The following USP31 variants were observed in gnomAD, a reference collection of about 807,000 sequenced individuals.
USP31 encodes the protein ubiquitin specific peptidase 31.
A neutral mutation model predicts 119.4 loss-of-function variants in USP31; 44 were observed. The observed-to-expected ratio is 0.37, with a 90% confidence interval of 0.29 to 0.47. The LOEUF (loss-of-function observed/expected upper bound fraction) is 0.47. Ranked by LOEUF, USP31 falls within the 20% of genes least tolerant of loss-of-function variation. USP31 has a pLI of 0.99. For missense variants in USP31, 1,643 were observed against 1,730.2 expected, an observed-to-expected ratio of 0.95 and a Z score of 0.89; for synonymous variants, 749 against 705.6, an observed-to-expected ratio of 1.06 and a Z score of -0.97.
At chr16:23,121,558 C>G (rs899511839) in intron 1 of USP31, among the ~76,000 whole-genome samples, 1 of 152,184 alleles carries the variant, frequency 6.6e-6, no homozygotes, top group African/African-American at 2.4e-5. Context: ...AATATACAGA[C>G]AGCAAACAAA....
rs574635294 is a variant in USP31 at position 23,084,631 on chromosome 16, A to G, written c.1830+229T>C. On this transcript the variant is annotated intron_variant, in intron 11 of 15. Transcript: ENST00000219689. ...TCATTAACCATTAAAAAGAACTATG[A>G]AGGTTCATTTCCAGAGTACTTCAAT... 3.5e-4 allele frequency among the ~76,000 whole-genome samples: 53 copies of G among 152,384 alleles called. 1 individual carries two copies. The highest frequency in any genetic ancestry group is 1.2e-3 in the African/African-American group (50 of 41,598).
intron 6 of USP31, among the ~76,000 whole-genome samples, chr16:23,097,954 T>C (rs1596707788): frequency 6.6e-6 from 1 of 152,306 alleles, no homozygotes; most frequent in African/African-American, 2.4e-5. Context: ...TTCAACATAG[T>C]GTTGGAAGTT....
chr16:23,090,590 C>A, intron 7 of USP31, 34 bp downstream of exon 7: 1 of 1,567,622 alleles, frequency 6.4e-7, no homozygotes, highest in South Asian at 1.2e-5. Flanking sequence ...CTGTTACAGT[C>A]TAGGTACTTA....
rs1036976459 is a variant in USP31, at chr16:23,087,529, G to A, written c.1527+195C>T. ...TTTCCAAGCTGATCATGTATTGAAC[G>A]TTATTAGATAAATATTATAAAGGAA... On this transcript the variant is annotated intron_variant, in intron 8 of 15. Coordinates refer to ENST00000219689, the MANE Select transcript of USP31 (RefSeq NM_020718.4). 2.0e-5 allele frequency among the ~76,000 whole-genome samples: 3 copies of A among 152,130 alleles called. No individual in the cohort carries two copies. The South Asian group carries it at 6.2e-4, about 32-fold the overall frequency.
In USP31 at chr16:23,087,741, G is replaced by A; in HGVS notation, c.1510C>T (p.Pro504Ser). 1.2e-6 allele frequency: 2 copies of A among 1,614,040 alleles called. No homozygotes were observed. Among genetic ancestry groups the A allele is most frequent in the Non-Finnish European group, 1.7e-6 (2 of 1,179,994 alleles). The change falls in exon 8 of 16, where the codon CCC becomes TCC. Residue 504 changes from proline (P) to serine (S), a missense_variant. Coordinates refer to ENST00000219689, the MANE Select transcript of USP31 (RefSeq NM_020718.4). ...TTACAAACCTGAATGCAAACCGTGG[G>A]CCTCAAGAAATACTTCATCTTCTCC... ...ILEKMKYFLR[P>S]TVCIQVCPFS... is the part of the protein sequence containing the mutation.
chr16:23,077,467 G>T (rs564651919), intron 13 of USP31, among the ~76,000 whole-genome samples: 3 of 152,290 alleles, frequency 2.0e-5, no homozygotes, highest in African/African-American at 7.2e-5. Context: ...AAGGTAGCAA[G>T]GCCAACGGAC....
intron 15 of USP31, among the ~76,000 whole-genome samples, chr16:23,070,827 A>G (rs955634872): frequency 4.6e-5 from 7 of 152,180 alleles, no homozygotes; most frequent in African/African-American, 1.7e-4. Flanking sequence ...TACAGTTGTG[A>G]TATTTACAAA....
At chr16:23,101,819 C>T (rs1156458415) in intron 6 of USP31, among the ~76,000 whole-genome samples, 1 of 151,956 alleles carries the variant, frequency 6.6e-6, no homozygotes, top group African/African-American at 2.4e-5. Flanking sequence ...AATCACAGCC[C>T]AAACCGCAGT....
At chr16:23,082,831 CTTTTTT>C (rs71151692) in intron 11 of USP31, among the ~76,000 whole-genome samples, 13 of 129,330 alleles carry the variant, frequency 1.0e-4, no homozygotes, top group Non-Finnish European at 1.6e-4. Flanking sequence ...CTTTCTCTCT[CTTTTTT>C]TTTTTTTTTT....
intron 2 of USP31, 139 bp from the exon 3 acceptor site, chr16:23,106,626 G>T: frequency 2.4e-6 from 2 of 824,080 alleles, no homozygotes; most frequent in Non-Finnish European, 3.7e-6. Flanking sequence ...ACGGGCACCT[G>T]CTAAAGGAGC....
chr16:23,120,409 TA>T (rs1902628095), intron 1 of USP31, among the ~76,000 whole-genome samples: 1 of 152,228 alleles, frequency 6.6e-6, no homozygotes, highest in African/African-American at 2.4e-5. Context: ...TCAGGCTGTT[TA>T]AAAACAAGAG....
At chr16:23,142,776 A>G (rs1219692619) in intron 1 of USP31, among the ~76,000 whole-genome samples, 1 of 152,242 alleles carries the variant, frequency 6.6e-6, no homozygotes, top group African/African-American at 2.4e-5. Context: ...TTGATGGACC[A>G]GAGAACTGAC....
Position 23,064,381 on chromosome 16 carries a change from G to T in USP31, c.*3665C>A, listed in dbSNP as rs1028622781. On this transcript the variant is annotated 3_prime_UTR_variant, in exon 16 of 16. Coordinates refer to ENST00000219689, the MANE Select transcript of USP31 (RefSeq NM_020718.4). ...ATTTTCCCTAAAGGCTGCCACTCTTGGTCCCTTTACATACTGTTGCTATTT... is the reference window on the plus strand; with the variant it reads ...ATTTTCCCTAAAGGCTGCCACTCTTTGTCCCTTTACATACTGTTGCTATTT... 2 of 152,026 alleles carry T rather than the reference G, an allele frequency of 1.3e-5. No homozygotes were observed. The highest frequency in any genetic ancestry group is 3.8e-4 in the East Asian group (2 of 5,202). 9.4% of individuals were successfully genotyped at this position (152,026 alleles called of 1,614,324 possible).
Position 23,149,163 on chromosome 16 carries a change from G to A in USP31, c.108C>T (p.Gly36=), listed in dbSNP as rs1376574296. 3 of 1,165,728 alleles carry A rather than the reference G, an allele frequency of 2.6e-6. No homozygotes were observed. Among genetic ancestry groups the A allele is most frequent in the African/African-American group, 3.3e-5 (2 of 60,634 alleles). 72.2% of individuals were successfully genotyped at this position (1,165,728 alleles called of 1,614,324 possible). A position where few individuals can be genotyped will look rare whatever the true frequency, so the allele number is the denominator to read the frequency against. ...CGGACGCCCCGGGGCCCCCCGCGCC[G>A]CCGCCGCCAGCGCGGCCGCTCCGAA... is the stretch of plus-strand genomic sequence containing the variant. ...RLFRSGRAGG[G]GAGGPGASGP... Residue 36 remains glycine, a synonymous_variant, in exon 1 of 16, where the codon GGC becomes GGT. Transcript: ENST00000219689.
At chr16:23,093,419 G>A (rs1311277661) in intron 6 of USP31, among the ~76,000 whole-genome samples, 1 of 152,136 alleles carries the variant, frequency 6.6e-6, no homozygotes, top group African/African-American at 2.4e-5. Context: ...GGCCAAACAA[G>A]CACATGGCAA....
At chr16:23,096,285 G>C (rs545318431) in intron 6 of USP31, among the ~76,000 whole-genome samples, 13 of 152,296 alleles carry the variant, frequency 8.5e-5, no homozygotes, top group African/African-American at 2.9e-4. Context: ...AATTCAATAA[G>C]AAGAGCTAAC....
intron 1 of USP31, among the ~76,000 whole-genome samples, chr16:23,141,491 C>A (rs1197903579): frequency 6.6e-6 from 1 of 151,994 alleles, no homozygotes; most frequent in Non-Finnish European, 1.5e-5. Context: ...GATCTTCCCA[C>A]CTCAGCCTCC....
chr16:23,084,912 G>C lies in USP31; in HGVS notation c.1778C>G (p.Pro593Arg). The C allele has an allele frequency of 6.2e-7, 1 of 1,614,098 alleles. No homozygotes were observed. The change falls in exon 11 of 16, where the codon CCT (proline) becomes CGT (arginine). Residue 593 changes from proline to arginine, a missense_variant. By Grantham distance (103) the Pro-to-Arg change is moderately radical. Around this residue, in one of 5 missense-constraint regions of USP31, gnomAD observed 279 missense variants for 372.2 expected, o/e 0.75. Coordinates refer to ENST00000219689, the MANE Select transcript of USP31 (RefSeq NM_020718.4). ...VRLQRERHHQ[P>R]QTCTLSQCFQ... ...ACACTGGGATAAAGTGCAGGTTTGA[G>C]GCTGATGATGACGCTCCCTTTGCAG...
intron 13 of USP31, chr16:23,079,148 T>C (rs756547538): frequency 3.3e-5 from 5 of 152,204 alleles, no homozygotes; most frequent in African/African-American, 1.2e-4. Flanking sequence ...GTGATAATGG[T>C]TGCACAACAA....
Sources: gnomAD v4.1 joint callset for allele counts (sites outside exome capture counted in the v4.1 genomes callset) on GRCh38, gnomAD v4.1.1 for gene constraint, gnomAD v4.1.1 regional missense constraint, MANE v1.5 for transcripts, NCBI Gene and HGNC (gene_info 2026-07-23, HGNC 2026-07-21) for gene names.